Variants in CEP170B observed in about 807,000 individuals in gnomAD.
CEP170B encodes centrosomal protein 170B.
Under a neutral mutation model 120.6 loss-of-function variants are expected in CEP170B, and 55 were observed. The observed-to-expected ratio is 0.46, with a 90% CI of 0.37 to 0.57. The LOEUF is 0.57. Among genes scored for constraint, CEP170B ranks in the 20% least tolerant of loss-of-function variants. CEP170B has a pLI of 0.00. For synonymous variants in CEP170B, 1,033 were observed against 954.5 expected (o/e 1.08, Z -1.52); for missense variants, 2,212 against 2,253.3 (o/e 0.98, Z 0.37).
At chr14:104,873,927 G>T (rs947841291) in intron 2 of CEP170B, among the ~76,000 whole-genome samples, 2 of 152,144 alleles carry the variant, frequency 1.3e-5, no homozygotes, top group African/African-American at 4.8e-5. Flanking sequence ...CCCATGTGTC[G>T]GGCGGGCTGA....
chr14:104,877,732 C>G (rs1205405398), intron 3 of CEP170B, among the ~76,000 whole-genome samples, 153 bp from the exon 4 acceptor site: 1 of 152,002 alleles, frequency 6.6e-6, no homozygotes, highest in Admixed American at 6.5e-5. Flanking sequence ...CAGTGCTGCA[C>G]AGGCCATCAC....
chr14:104,888,263 G>T (rs910803708), intron 12 of CEP170B, among the ~76,000 whole-genome samples: 1 of 152,216 alleles, frequency 6.6e-6, no homozygotes, highest in Non-Finnish European at 1.5e-5. Flanking sequence ...GGGCCCCGAA[G>T]CCCAGGCTGG....
intron 2 of CEP170B, among the ~76,000 whole-genome samples, chr14:104,875,165 C>G (rs922859371): frequency 2.6e-4 from 40 of 152,324 alleles, no homozygotes; most frequent in African/African-American, 8.4e-4. Context: ...AGGCTCTCAC[C>G]TGGGAGACTG....
intron 3 of CEP170B, among the ~76,000 whole-genome samples, chr14:104,876,652 C>T (rs1414595450): frequency 6.6e-6 from 1 of 152,196 alleles, no homozygotes; most frequent in Non-Finnish European, 1.5e-5. Context: ...TACAGAGGCC[C>T]CCAGGCCTCC....
At position 104,884,061 on chromosome 14, in the gene CEP170B, G is replaced by T; in HGVS notation, c.1282G>T (p.Gly428Trp). 6.2e-7 allele frequency: 1 copy of T among 1,607,896 alleles called. No individual in the cohort carries two copies. The highest frequency in any genetic ancestry group is 8.5e-7 in the Non-Finnish European group (1 of 1,177,410). Reference protein sequence around the residue: ...RSQSFTHSPSGDPKADKRRGP... With the variant: ...RSQSFTHSPSWDPKADKRRGP... Reference sequence around the variant, plus strand: ...CCAGTCCTTCACGCACAGCCCGTCCGGGGACCCCAAGGCCGACAAGCGCCG... The same window carrying T: ...CCAGTCCTTCACGCACAGCCCGTCCTGGGACCCCAAGGCCGACAAGCGCCG... The change falls in exon 9 of 19, where the codon GGG (glycine) becomes TGG (tryptophan). Residue 428 changes from glycine (G) to tryptophan (W), a missense_variant. This residue lies in a region of CEP170B where 2,166 missense variants were observed against 2,166.7 expected (regional missense o/e 1.00). Coordinates refer to ENST00000414716, the MANE Select transcript of CEP170B (RefSeq NM_001112726.3).
chr14:104,884,204 G>T lies in CEP170B; in HGVS notation c.1425G>T (p.Arg475=), dbSNP rs1896323623. 3.9e-6 allele frequency: 6 copies of T among 1,544,274 alleles called. No individual in the cohort carries two copies. Among genetic ancestry groups the T allele is most frequent in the Non-Finnish European group, 5.2e-6 (6 of 1,147,608 alleles). ...TCAAGCGGGAGAAGACAGAGGAACGGCTGGGCAGCCCCTCGCCCGCCTCCC... is the reference window on the plus strand; with the variant it reads ...TCAAGCGGGAGAAGACAGAGGAACGTCTGGGCAGCCCCTCGCCCGCCTCCC... The part of the protein sequence containing the change: ...GSLKREKTEE[R]LGSPSPASRT... Residue 475 remains arginine (R), a synonymous_variant, in exon 9 of 19, where the codon CGG becomes CGT. Transcript: ENST00000414716.
chr14:104,885,152 G>C (rs1394373072), intron 9 of CEP170B, among the ~76,000 whole-genome samples: 1 of 151,994 alleles, frequency 6.6e-6, no homozygotes, highest in Admixed American at 6.5e-5. Context: ...AGGGAGCCTG[G>C]TATGCTGCCC....
chr14:104,882,664 G>A, intron 6 of CEP170B, 64 bp from the exon 7 acceptor site: 1 of 1,369,684 alleles, frequency 7.3e-7, no homozygotes, highest in Non-Finnish European at 1.0e-6. Context: ...TGGGCTGCCA[G>A]TTCTCTGCTT....
intron 13 of CEP170B, among the ~76,000 whole-genome samples, chr14:104,890,188 G>C (rs1896742150): frequency 1.6e-5 from 2 of 127,276 alleles, no homozygotes; most frequent in Non-Finnish European, 3.4e-5. Flanking sequence ...ATGGATGGAT[G>C]GGTGGGTAGG....
chr14:104,865,916 C>G lies in CEP170B; in HGVS notation c.-28+403C>G, dbSNP rs1895180395. On this transcript the variant is annotated intron_variant, in intron 1 of 18. Coordinates refer to ENST00000414716, the MANE Select transcript of CEP170B (RefSeq NM_001112726.3). The surrounding 1 kb of genome is among the most constrained non-coding windows in gnomAD (Gnocchi z 6.7). Reference sequence around the variant, plus strand: ...CCCTCCGTCTTCCTCCTCCTCCCCTCTCTCCTCATTTCCCTTCGCCGCCGT... The same window carrying G: ...CCCTCCGTCTTCCTCCTCCTCCCCTGTCTCCTCATTTCCCTTCGCCGCCGT... 6.6e-6 allele frequency among the ~76,000 whole-genome samples: 1 copy of G among 152,188 alleles called. No individual in the cohort carries two copies. Among genetic ancestry groups the G allele is most frequent in the Admixed American group, 6.5e-5 (1 of 15,288 alleles).
chr14:104,885,661 C>T (rs966572118), intron 10 of CEP170B, 119 bp downstream of exon 10: 20 of 1,337,310 alleles, frequency 1.5e-5, no homozygotes, highest in Admixed American at 8.7e-5. Context: ...CTGAGGGACA[C>T]GCTCAGAGGA....
chr14:104,885,820 G>A (rs1261984686), intron 10 of CEP170B, among the ~76,000 whole-genome samples: 1 of 152,222 alleles, frequency 6.6e-6, no homozygotes, highest in Non-Finnish European at 1.5e-5. Flanking sequence ...GGCTGCCTGG[G>A]CTGGGCAGGC....
intron 8 of CEP170B, 88 bp downstream of exon 8, chr14:104,883,596 G>T: frequency 7.4e-7 from 1 of 1,345,080 alleles, no homozygotes; most frequent in Non-Finnish European, 9.9e-7. Context: ...ATGCAGAGGG[G>T]CCCATTCAGC....
chr14:104,876,240 C>T lies in CEP170B; in HGVS notation c.106-16C>T, dbSNP rs1041843570. 26 of 1,550,154 alleles carry T rather than the reference C, an allele frequency of 1.7e-5. No individual in the cohort carries two copies. Among genetic ancestry groups the T allele is most frequent in the Non-Finnish European group, 2.0e-5 (23 of 1,146,620 alleles). ...CTCCCCTGGAGCACCTGAGGGCTGGCTGTGTGTCTCTCCAGTCCCGCAGCG... is the reference window on the plus strand; with the variant it reads ...CTCCCCTGGAGCACCTGAGGGCTGGTTGTGTGTCTCTCCAGTCCCGCAGCG... On this transcript the variant is annotated splice_polypyrimidine_tract_variant and intron_variant, in intron 2 of 18. Transcript: ENST00000414716.
Position 104,893,127 on chromosome 14 carries a change from C to T in CEP170B, c.4030C>T (p.Arg1344Trp), listed in dbSNP as rs749210632. The T allele has an allele frequency of 4.0e-5, 64 of 1,608,530 alleles. No individual in the cohort carries two copies. Among genetic ancestry groups the T allele is most frequent in the Non-Finnish European group, 4.5e-5 (53 of 1,178,892 alleles). ...PSTPASTISAREELVQRIPEA... is the reference protein window; with the variant it reads ...PSTPASTISAWEELVQRIPEA... ...CACCCCCGCCTCGACCATCTCTGCCCGGGAGGAGGTGAGCCCCAGGCTTTC... is the reference window on the plus strand; with the variant it reads ...CACCCCCGCCTCGACCATCTCTGCCTGGGAGGAGGTGAGCCCCAGGCTTTC... Residue 1344 changes from arginine (R) to tryptophan (W), a missense_variant, in exon 14 of 19, where the codon CGG becomes TGG. Arg to Trp is a moderately radical substitution (Grantham distance 101, BLOSUM62 -3). Coordinates refer to ENST00000414716, the MANE Select transcript of CEP170B (RefSeq NM_001112726.3).
At chr14:104,894,615 C>T (rs1896997733) in intron 18 of CEP170B, 27 bp downstream of exon 18, 1 of 1,606,308 alleles carries the variant, frequency 6.2e-7, no homozygotes, top group Non-Finnish European at 8.5e-7. Context: ...CCTGGGGCAG[C>T]AAGGGAGGCT....
rs746517942 is a variant in CEP170B, at chr14:104,887,201, T to C, written c.2962T>C (p.Ser988Pro). 5 of 1,605,746 alleles carry C rather than the reference T, an allele frequency of 3.1e-6. No individual in the cohort carries two copies. The highest frequency in any genetic ancestry group is 1.3e-5 in the African/African-American group (1 of 74,878). Reference sequence around the variant, plus strand: ...GCGGGCACAGAAGGAGATGTCGCCATCCCCGCCAGCTGCACAGGACCCGGG... The same window carrying C: ...GCGGGCACAGAAGGAGATGTCGCCACCCCCGCCAGCTGCACAGGACCCGGG... The part of the protein sequence containing the change: ...PLRAQKEMSP[S>P]PPAAQDPGGT... The change falls in exon 12 of 19, where the codon TCC (serine) becomes CCC (proline). Residue 988 changes from serine (S) to proline (P), a missense_variant. Physicochemically the swap from Ser to Pro is moderately conservative, Grantham distance 74 (BLOSUM62 -1). Coordinates refer to ENST00000414716, the MANE Select transcript of CEP170B (RefSeq NM_001112726.3).
At chr14:104,877,776 G>C in intron 3 of CEP170B, 109 bp from the exon 4 acceptor site, 2 of 608,636 alleles carry the variant, frequency 3.3e-6, no homozygotes, top group Non-Finnish European at 6.0e-6. Context: ...GTGCCCCCGC[G>C]GCCCTGCCCA....
chr14:104,872,480 C>CGTGTGTGCCGTGTGTGTGCT, intron 2 of CEP170B, among the ~76,000 whole-genome samples: 1 of 73,510 alleles, frequency 1.4e-5, no homozygotes, highest in African/African-American at 7.3e-5. Flanking sequence ...CGTGTGTGTG[C>CGTGTGTGCCGTGTGTGTGCT]GTGTGTGCCG....
Sources: allele counts gnomAD v4.1 joint callset (sites outside exome capture counted in the v4.1 genomes callset), GRCh38; gene constraint gnomAD v4.1.1; regional missense constraint gnomAD v4.1.1; non-coding constraint Gnocchi (gnomAD v3.1); transcripts MANE v1.5; gene names NCBI Gene and HGNC (gene_info 2026-07-23, HGNC 2026-07-21).